ERCC6L2: variants seen among roughly 807,000 people sequenced by gnomAD.
ERCC6L2 encodes the protein ERCC excision repair 6 like 2, also known as DNA excision repair protein ERCC-6-like 2.
In ERCC6L2, 77 loss-of-function variants were observed where a neutral mutation model predicts 132.0. The observed-to-expected ratio is 0.58, with a 90% CI of 0.49 to 0.71. The LOEUF is 0.71. ERCC6L2 is among the 30% of genes least tolerant of loss of function. The probability of loss-of-function intolerance (pLI) is 0.00; values close to 1 mark genes in which losing one functional copy is unlikely to be tolerated. For missense variants in ERCC6L2, 1,542 were observed against 1,837.6 expected, an observed-to-expected ratio of 0.84 and a Z score of 2.94; for synonymous variants, 583 against 632.4, an observed-to-expected ratio of 0.92 and a Z score of 1.17.
At position 96,012,961 on chromosome 9, in the gene ERCC6L2, G is replaced by A. The variant is rs764372306; in HGVS notation, c.4411G>A (p.Ala1471Thr). The change falls in exon 19 of 19, where the codon GCA (alanine) becomes ACA (threonine). Residue 1471 changes from alanine to threonine, a missense_variant. Around this residue, in one of 4 missense-constraint regions of ERCC6L2, gnomAD observed 442 missense variants for 583.4 expected, o/e 0.76. Transcript: ENST00000653738. ...AGTTCTTTCAGGGCCCATGGAAAAA[G>A]CAAAACAGAGACCAAAAGATTTCTG... ...KKVLSGPMEK[A>T]KQRPKDFWDI... The A allele has an allele frequency of 2.2e-6, 3 of 1,367,256 alleles. No individual in the cohort carries two copies. The highest frequency in any genetic ancestry group is 1.1e-5 in the South Asian group (1 of 87,980). 84.7% of individuals were successfully genotyped at this position (1,367,256 alleles called of 1,614,324 possible).
intron 3 of ERCC6L2, among the ~76,000 whole-genome samples, chr9:95,903,270 A>G (rs933778531): frequency 1.3e-5 from 2 of 152,044 alleles, no homozygotes; most frequent in Non-Finnish European, 2.9e-5. Context: ...AATTAAACTC[A>G]TTTCTATTTC....
intron 13 of ERCC6L2, among the ~76,000 whole-genome samples, chr9:95,962,974 T>C (rs1831981735): frequency 6.6e-6 from 1 of 152,194 alleles, no homozygotes; most frequent in African/African-American, 2.4e-5. Flanking sequence ...GAGTGACCTG[T>C]ATTGTTCATG....
intron 18 of ERCC6L2, among the ~76,000 whole-genome samples, chr9:96,006,049 T>C (rs1380486735): frequency 6.6e-6 from 1 of 152,168 alleles, no homozygotes; most frequent in Non-Finnish European, 1.5e-5. Flanking sequence ...TTTGCACGTA[T>C]TAAATGTGAC....
chr9:95,908,682 G>T (rs1829200043), intron 4 of ERCC6L2, among the ~76,000 whole-genome samples: 1 of 152,160 alleles, frequency 6.6e-6, no homozygotes, highest in Admixed American at 6.5e-5. Context: ...GCCTAGATTT[G>T]TCTCTACAGG....
intron 17 of ERCC6L2, among the ~76,000 whole-genome samples, chr9:95,984,289 T>A (rs1048181775): frequency 1.1e-4 from 16 of 149,288 alleles, no homozygotes; most frequent in Non-Finnish European, 2.2e-4. Context: ...GATATACATG[T>A]TATATGTTAT....
chr9:95,879,348 T>G (rs2132504922), intron 1 of ERCC6L2, among the ~76,000 whole-genome samples: 1 of 152,358 alleles, frequency 6.6e-6, no homozygotes, highest in Admixed American at 6.5e-5. Flanking sequence ...TAATATTTGG[T>G]GAATAATTTG....
At chr9:96,009,565 G>T (rs921507199) in intron 18 of ERCC6L2, among the ~76,000 whole-genome samples, 9 of 152,198 alleles carry the variant, frequency 5.9e-5, no homozygotes, top group African/African-American at 2.2e-4. Context: ...CTTGCTGAAA[G>T]ATACATATCT....
At chr9:96,002,611 G>T (rs1833728067) in intron 17 of ERCC6L2, among the ~76,000 whole-genome samples, 1 of 151,936 alleles carries the variant, frequency 6.6e-6, no homozygotes, top group Non-Finnish European at 1.5e-5. Context: ...TTTTTGTAGA[G>T]AAAAGGTTTT....
At position 96,012,684 on chromosome 9, in the gene ERCC6L2, T is replaced by TA. The variant is rs771523554; in HGVS notation, c.4135dup (p.Thr1379AsnfsTer10). The stretch of plus-strand genomic sequence containing the variant: ...GGAAAAACAGCCAGGCATCCGAAGA[T>TA]ACTGTGACATCCCGTTCTCTGAACA... On this transcript the variant is annotated frameshift_variant, in exon 19 of 19. Coordinates refer to ENST00000653738, the MANE Select transcript of ERCC6L2 (RefSeq NM_020207.7). LOFTEE classifies it low-confidence loss of function (END_TRUNC). 7.3e-7 allele frequency: 1 copy of TA among 1,367,618 alleles called. No homozygotes were observed. The highest frequency in any genetic ancestry group is 9.8e-7 in the Non-Finnish European group (1 of 1,021,850). 84.7% of individuals were successfully genotyped at this position (1,367,618 alleles called of 1,614,324 possible). A position where few individuals can be genotyped will look rare whatever the true frequency, so the allele number is the denominator to read the frequency against.
intron 2 of ERCC6L2, among the ~76,000 whole-genome samples, chr9:95,887,411 T>C (rs1019552798): frequency 1.3e-5 from 2 of 152,212 alleles, no homozygotes; most frequent in Non-Finnish European, 2.9e-5. Context: ...AATAATTTAG[T>C]TTTTAATGGT....
intron 4 of ERCC6L2, among the ~76,000 whole-genome samples, chr9:95,911,484 T>C (rs546714414): frequency 6.6e-6 from 1 of 152,258 alleles, no homozygotes; most frequent in African/African-American, 2.4e-5. Flanking sequence ...AGTAGAATTA[T>C]GTAACTATAA....
intron 1 of ERCC6L2, among the ~76,000 whole-genome samples, chr9:95,878,034 G>C (rs1827382924): frequency 1.3e-5 from 2 of 152,234 alleles, no homozygotes; most frequent in South Asian, 4.1e-4. Context: ...AGAATAATGG[G>C]TACCCTACGC....
intron 2 of ERCC6L2, among the ~76,000 whole-genome samples, chr9:95,894,509 G>C (rs1283430317): frequency 6.7e-6 from 1 of 149,768 alleles, no homozygotes; most frequent in African/African-American, 2.5e-5. Context: ...CTTGTATTGT[G>C]ATCAAAGAAC....
chr9:95,952,524 G>A (rs1461569451), intron 12 of ERCC6L2, among the ~76,000 whole-genome samples: 3 of 152,116 alleles, frequency 2.0e-5, no homozygotes, highest in Non-Finnish European at 4.4e-5. Flanking sequence ...TGCAGAAAAA[G>A]CATTTGACAA....
intron 20 of ERCC6L2, among the ~76,000 whole-genome samples, chr9:96,039,659 G>A (rs1182883861): frequency 6.6e-6 from 1 of 152,120 alleles, no homozygotes; most frequent in Non-Finnish European, 1.5e-5. Flanking sequence ...GCCTCTTGGG[G>A]TGGCTTGACC....
rs755640659 is a variant in ERCC6L2, at chr9:95,907,107, C to G, written c.624C>G (p.Val208=). 1.9e-6 allele frequency: 3 copies of G among 1,611,254 alleles called. No homozygotes were observed. Among genetic ancestry groups the G allele is most frequent in the Non-Finnish European group, 1.7e-6 (2 of 1,179,200 alleles). Residue 208 remains valine (V), a synonymous_variant, in exon 4 of 19, where the codon GTC becomes GTG. Transcript: ENST00000653738. The part of the protein sequence containing the change: ...KMFLIVAPLS[V]LYNWKDELDT... ...TCTTAATAGTTGCTCCTCTTTCTGT[C>G]CTCTACAACTGGAAGGATGAATTGG...
Position 96,001,838 on chromosome 9 carries a change from G to A in ERCC6L2, c.3493-2682G>A, listed in dbSNP as rs376360841. 4.5e-3 allele frequency among the ~76,000 whole-genome samples: 691 copies of A among 152,368 alleles called. 2 individuals carry two copies. The highest frequency in any genetic ancestry group is 5.9e-3 in the Non-Finnish European group (400 of 68,030). On this transcript the variant is annotated intron_variant, in intron 17 of 18. Coordinates refer to ENST00000653738, the MANE Select transcript of ERCC6L2 (RefSeq NM_020207.7). ...AGTGGGTGGGAGGCTCAGGCATGGC[G>A]GGCTGCAGGTCCTGAGCCCTGCCCC...
At chr9:95,877,790 A>G (rs1257047845) in intron 1 of ERCC6L2, among the ~76,000 whole-genome samples, 2 of 151,470 alleles carry the variant, frequency 1.3e-5, no homozygotes, top group East Asian at 1.9e-4. Context: ...TGGGCGACAG[A>G]GACACTCTTG....
intron 17 of ERCC6L2, among the ~76,000 whole-genome samples, chr9:95,980,557 A>G (rs1052303187): frequency 2.0e-5 from 3 of 152,158 alleles, no homozygotes; most frequent in Non-Finnish European, 4.4e-5. Flanking sequence ...AATTTCTGAG[A>G]AAAAAGTGTT....
Sources: gnomAD v4.1 joint callset for allele counts (sites outside exome capture counted in the v4.1 genomes callset) on GRCh38, gnomAD v4.1.1 for gene constraint, gnomAD v4.1.1 regional missense constraint, MANE v1.5 for transcripts, NCBI Gene and HGNC (gene_info 2026-07-23, HGNC 2026-07-21) for gene names.